KIF16B: variants seen among roughly 807,000 people sequenced by gnomAD.
The protein encoded by KIF16B is kinesin-like protein KIF16B.
KIF16B carries 98 observed loss-of-function variants against 156.3 expected under a neutral mutation model. The observed-to-expected ratio is 0.63, with a 90% CI of 0.53 to 0.74. The LOEUF is 0.74. Among genes scored for constraint, KIF16B ranks in the 30% least tolerant of loss-of-function variants. KIF16B has a pLI of 0.00. For missense variants in KIF16B, 1,421 were observed against 1,606.5 expected (o/e 0.88, Z 1.97); for synonymous variants, 564 against 583.7 (o/e 0.97, Z 0.49).
chr20:16,461,506 C>A (rs866065357), intron 12 of KIF16B, among the ~76,000 whole-genome samples: 1 of 151,904 alleles, frequency 6.6e-6, no homozygotes, highest in African/African-American at 2.4e-5. Flanking sequence ...CATAATGGAG[C>A]CAAATTAAAA....
intron 12 of KIF16B, among the ~76,000 whole-genome samples, chr20:16,437,449 A>G (rs2066671371): frequency 6.6e-6 from 1 of 152,218 alleles, no homozygotes; most frequent in Admixed American, 6.5e-5. Context: ...CTACTTCATC[A>G]GATGAATCTG....
chr20:16,505,627 G>A (rs545371751), intron 9 of KIF16B, 95 bp downstream of exon 9: 31 of 1,084,984 alleles, frequency 2.9e-5, no homozygotes, highest in Non-Finnish European at 3.9e-5. Context: ...AGATGTAAAA[G>A]GTGCTATTTC....
At chr20:16,280,848 G>A (rs1343257236) in intron 25 of KIF16B, among the ~76,000 whole-genome samples, 2 of 151,792 alleles carry the variant, frequency 1.3e-5, no homozygotes, top group Non-Finnish European at 2.9e-5. Flanking sequence ...GCACGTGTGT[G>A]TGTGTGTGTG....
intron 6 of KIF16B, among the ~76,000 whole-genome samples, 185 bp downstream of exon 6, chr20:16,511,233 G>T (rs1027818145): frequency 1.3e-5 from 2 of 152,126 alleles, no homozygotes; most frequent in Non-Finnish European, 2.9e-5. Flanking sequence ...TCAACGGATG[G>T]CCAGTGAAGT....
chr20:16,296,863 G>T (rs1161024412), intron 25 of KIF16B, among the ~76,000 whole-genome samples: 1 of 152,246 alleles, frequency 6.6e-6, no homozygotes, highest in Non-Finnish European at 1.5e-5. Flanking sequence ...ATTAATGTTT[G>T]AATCAGTAGA....
chr20:16,379,213 A>G lies in KIF16B; in HGVS notation c.2789T>C (p.Ile930Thr), dbSNP rs766662261. The G allele has an allele frequency of 2.4e-5, 39 of 1,614,016 alleles. No homozygotes were observed. The East Asian group carries it at 2.7e-4, about 11-fold the overall frequency. The change falls in exon 19 of 26, where the codon ATT becomes ACT. Residue 930 changes from isoleucine to threonine, a missense_variant. By Grantham distance (89) the Ile-to-Thr change is moderately conservative. Coordinates refer to ENST00000354981, the MANE Select transcript of KIF16B (RefSeq NM_024704.5). The stretch of plus-strand genomic sequence containing the variant: ...TAAGCTGAGAGGGCCTCTGTCAAGA[A>G]TTTCAAATGCTCTCTGCTTTTCTTC... ...LLEEKQRAFE[I>T]LDRGPLSLDN... is the part of the protein sequence containing the mutation.
chr20:16,335,115 T>C (rs1421644054), intron 24 of KIF16B, among the ~76,000 whole-genome samples: 1 of 151,652 alleles, frequency 6.6e-6, no homozygotes, highest in Non-Finnish European at 1.5e-5. Flanking sequence ...TAAAATGTCA[T>C]AAAAAACCAT....
intron 1 of KIF16B, among the ~76,000 whole-genome samples, chr20:16,549,539 C>A (rs1392933827): frequency 1.3e-5 from 2 of 151,994 alleles, no homozygotes; most frequent in Non-Finnish European, 2.9e-5. Flanking sequence ...GATTTATAGT[C>A]CTTTGGGTAT....
intron 25 of KIF16B, among the ~76,000 whole-genome samples, chr20:16,279,070 C>G (rs1298220204): frequency 2.0e-5 from 3 of 152,192 alleles, no homozygotes; most frequent in African/African-American, 7.2e-5. Context: ...CGGTATCTCC[C>G]TTACAGTGCC....
chr20:16,550,234 A>G (rs1168549655), intron 1 of KIF16B, among the ~76,000 whole-genome samples: 4 of 147,072 alleles, frequency 2.7e-5, no homozygotes, highest in South Asian at 2.3e-4. Context: ...GCAGCCAAAA[A>G]ACACATGAAA....
chr20:16,359,654 C>CAAA (rs577102110), intron 22 of KIF16B, among the ~76,000 whole-genome samples: 13 of 78,714 alleles, frequency 1.7e-4, no homozygotes, highest in Admixed American at 3.1e-4. Context: ...AGATTCTTTA[C>CAAA]AAAAAAAAAA....
At chr20:16,411,221 G>A (rs866513407) in intron 15 of KIF16B, among the ~76,000 whole-genome samples, 4 of 152,050 alleles carry the variant, frequency 2.6e-5, no homozygotes, top group African/African-American at 9.7e-5. Flanking sequence ...CCATTAAGTG[G>A]CAAGTATTCA....
intron 12 of KIF16B, among the ~76,000 whole-genome samples, chr20:16,454,551 TATTTG>T (rs2067165893): frequency 6.6e-6 from 1 of 151,946 alleles, no homozygotes; most frequent in African/African-American, 2.4e-5. Flanking sequence ...ATTTATTACT[TATTTG>T]ATTTATTTGA....
At chr20:16,478,321 G>C (rs887085711) in intron 12 of KIF16B, among the ~76,000 whole-genome samples, 1 of 152,192 alleles carries the variant, frequency 6.6e-6, no homozygotes, top group African/African-American at 2.4e-5. Flanking sequence ...TGAATGTCAT[G>C]AGGATGTAGA....
At chr20:16,435,282 T>C (rs1409070938) in intron 12 of KIF16B, among the ~76,000 whole-genome samples, 2 of 152,224 alleles carry the variant, frequency 1.3e-5, no homozygotes, top group Non-Finnish European at 2.9e-5. Flanking sequence ...TGTGTCGATT[T>C]TGGGCCACAT....
intron 10 of KIF16B, among the ~76,000 whole-genome samples, chr20:16,503,029 CGT>C (rs2068670461): frequency 6.6e-6 from 1 of 152,128 alleles, no homozygotes; most frequent in South Asian, 2.1e-4. Context: ...AGACTGGTCA[CGT>C]CGTGAAACCC....
chr20:16,462,549 C>A (rs930577562), intron 12 of KIF16B, among the ~76,000 whole-genome samples: 1 of 152,090 alleles, frequency 6.6e-6, no homozygotes, highest in Non-Finnish European at 1.5e-5. Flanking sequence ...GTGATAGAAT[C>A]TGGGTGTTTC....
intron 12 of KIF16B, among the ~76,000 whole-genome samples, chr20:16,476,595 C>T (rs1201903078): frequency 6.6e-6 from 1 of 152,020 alleles, no homozygotes; most frequent in East Asian, 1.9e-4. Flanking sequence ...TGCAAATGAG[C>T]CCATTATAGA....
intron 12 of KIF16B, among the ~76,000 whole-genome samples, chr20:16,435,177 T>G (rs2066610847): frequency 1.3e-5 from 2 of 152,316 alleles, no homozygotes; most frequent in South Asian, 2.1e-4. Flanking sequence ...GCATATACAT[T>G]TTTCATAAGT....
Sources: gnomAD v4.1 joint callset for allele counts (sites outside exome capture counted in the v4.1 genomes callset) on GRCh38, gnomAD v4.1.1 for gene constraint, MANE v1.5 for transcripts, NCBI Gene and HGNC (gene_info 2026-07-23, HGNC 2026-07-21) for gene names.